CXCR1: variants seen among roughly 807,000 people sequenced by gnomAD.
CXCR1 encodes the protein C-X-C motif chemokine receptor 1, also known as C-X-C chemokine receptor type 1.
For missense variants in CXCR1, 419 were observed against 440.5 expected (o/e 0.95, Z 0.44); for synonymous variants, 180 against 184.7 (o/e 0.97, Z 0.21).
intron 1 of CXCR1, among the ~76,000 whole-genome samples, chr2:218,165,503 C>G (rs1691268364): frequency 6.6e-6 from 1 of 152,244 alleles, no homozygotes; most frequent in South Asian, 2.1e-4. Context: ...CCTAGCTCAA[C>G]CTACAACTGC....
chr2:218,166,034 C>T (rs903453679), intron 1 of CXCR1, among the ~76,000 whole-genome samples: 13 of 152,084 alleles, frequency 8.5e-5, no homozygotes, highest in African/African-American at 3.1e-4. Context: ...ATCTCCGAAC[C>T]CAGATGGCCC....
chr2:218,164,346 G>T lies in CXCR1; in HGVS notation c.866C>A (p.Ala289Asp). 6.2e-7 allele frequency: 1 copy of T among 1,612,202 alleles called. No individual in the cohort carries two copies. Among genetic ancestry groups the T allele is most frequent in the Non-Finnish European group, 8.5e-7 (1 of 1,178,490 alleles). ...ATGGAGAAATCCCAGAATCTCAGTG[G>T]CATCCAGGGCCCGGCCGATGTTGTT... ...RRNNIGRALDATEILGFLHSC... is the reference protein window; with the variant it reads ...RRNNIGRALDDTEILGFLHSC... Residue 289 changes from alanine to aspartate, a missense_variant, in exon 2 of 2, where the codon GCC (alanine) becomes GAC (aspartate). By Grantham distance (126) the Ala-to-Asp change is moderately radical. Coordinates refer to ENST00000295683, the MANE Select transcript of CXCR1 (RefSeq NM_000634.3).
chr2:218,164,027 T>A lies in CXCR1; in HGVS notation c.*132A>T. ...GCCCCTGAAGACACCAGTTCCTAACTTCCCCACATCCTATAGCGTCCCCCC... is the reference window on the plus strand; with the variant it reads ...GCCCCTGAAGACACCAGTTCCTAACATCCCCACATCCTATAGCGTCCCCCC... On this transcript the variant is annotated 3_prime_UTR_variant, in exon 2 of 2. Transcript: ENST00000295683. 3 of 1,129,556 alleles carry A rather than the reference T, an allele frequency of 2.7e-6. No individual in the cohort carries two copies. The South Asian group carries it at 3.9e-5, about 15-fold the overall frequency. The allele number at this position is 1,129,556 out of a possible 1,614,324, so 70.0% of individuals were successfully genotyped here.
At position 218,164,578 on chromosome 2, in the gene CXCR1, T is replaced by C; in HGVS notation, c.634A>G (p.Ile212Val). ...AACAGCATGACAAACAGCGGCACGATGAAGCCAAAGGTGTGAGGCAGGATC... is the reference window on the plus strand; with the variant it reads ...AACAGCATGACAAACAGCGGCACGACGAAGCCAAAGGTGTGAGGCAGGATC... ...LRILPHTFGF[I>V]VPLFVMLFCY... The change falls in exon 2 of 2, where the codon ATC becomes GTC. Residue 212 changes from isoleucine to valine, a missense_variant. Physicochemically the swap from Ile to Val is conservative, Grantham distance 29. Transcript: ENST00000295683. 6.2e-7 allele frequency: 1 copy of C among 1,614,136 alleles called. No homozygotes were observed. Among genetic ancestry groups the C allele is most frequent in the Non-Finnish European group, 8.5e-7 (1 of 1,180,012 alleles).
At position 218,164,309 on chromosome 2, in the gene CXCR1, GT is replaced by G. The variant is rs532614335; in HGVS notation, c.902del (p.Asn301ThrfsTer55). ...GGCCGATGAAGGCGTAGATGATGGG[GT>G]TGAGGCAGCTATGGAGAAATCCCAG... The part of the protein sequence containing the change: ...EILGFLHSCL[N>X]PIIYAFIGQN... On this transcript the variant is annotated frameshift_variant, in exon 2 of 2. Transcript: ENST00000295683. LOFTEE classifies it low-confidence loss of function (END_TRUNC). The G allele has an allele frequency of 1.1e-4, 171 of 1,612,172 alleles. 1 individual carries two copies. In the South Asian group the frequency reaches 1.7e-3, roughly 16 times the overall value.
chr2:218,166,250 A>G (rs1043635625), intron 1 of CXCR1, among the ~76,000 whole-genome samples: 1 of 152,126 alleles, frequency 6.6e-6, no homozygotes, highest in African/African-American at 2.4e-5. Context: ...AGCCTGACCA[A>G]AATGATGAAA....
chr2:218,164,767 T>C lies in CXCR1; in HGVS notation c.445A>G (p.Lys149Glu). ...IVHATRTLTQ[K>E]RHLVKFVCLG... ...CAAACAAACTTGACCAAGTGACGCT[T>C]CTGGGTCAGTGTGCGTGTGGCATGG... The change falls in exon 2 of 2, where the codon AAG (lysine) becomes GAG (glutamate). Residue 149 changes from lysine (K) to glutamate (E), a missense_variant. Transcript: ENST00000295683. 6 of 1,614,206 alleles carry C rather than the reference T, an allele frequency of 3.7e-6. No individual in the cohort carries two copies. The highest frequency in any genetic ancestry group is 5.1e-6 in the Non-Finnish European group (6 of 1,180,040).
Position 218,164,079 on chromosome 2 carries a change from C to G in CXCR1, c.*80G>C. 5.1e-6 allele frequency: 8 copies of G among 1,555,600 alleles called. No homozygotes were observed. The highest frequency in any genetic ancestry group is 7.0e-6 in the Non-Finnish European group (8 of 1,140,524). ...AAACCCAGATAGTGCCTGTCCAGAG[C>G]CAGATCACCTTCCACACACAACCTC... On this transcript the variant is annotated 3_prime_UTR_variant, in exon 2 of 2. Transcript: ENST00000295683.
In CXCR1 at chr2:218,164,777, T is replaced by C. The variant is rs1216963260; in HGVS notation, c.435A>G (p.Thr145=). 1 of 1,614,240 alleles carries C rather than the reference T, an allele frequency of 6.2e-7. No individual in the cohort carries two copies. Among genetic ancestry groups the C allele is most frequent in the Non-Finnish European group, 8.5e-7 (1 of 1,180,034 alleles). The change falls in exon 2 of 2, where the codon ACA becomes ACG. Residue 145 remains threonine, a synonymous_variant. Transcript: ENST00000295683. The part of the protein sequence containing the change: ...RYLAIVHATR[T]LTQKRHLVKF... ...TGACCAAGTGACGCTTCTGGGTCAG[T>C]GTGCGTGTGGCATGGACAATGGCCA... is the stretch of plus-strand genomic sequence containing the variant.
rs753898469 is a variant in CXCR1, at chr2:218,164,470, C to T, written c.742G>A (p.Val248Ile). 8.7e-6 allele frequency: 14 copies of T among 1,614,040 alleles called. No homozygotes were observed. The highest frequency in any genetic ancestry group is 6.7e-5 in the African/African-American group (5 of 74,898). The change falls in exon 2 of 2, where the codon GTC (valine) becomes ATC (isoleucine). Residue 248 changes from valine (V) to isoleucine (I), a missense_variant. Val to Ile is a conservative substitution (Grantham distance 29). Transcript: ENST00000295683. Reference sequence around the variant, plus strand: ...AGCCAGCAAAGCAGGAAGATGAGGACGACAGCAAAGATGACCCTCATGGCT... The same window carrying T: ...AGCCAGCAAAGCAGGAAGATGAGGATGACAGCAAAGATGACCCTCATGGCT... ...HRAMRVIFAV[V>I]LIFLLCWLPY...
intron 1 of CXCR1, among the ~76,000 whole-genome samples, chr2:218,165,881 C>T (rs1691275948): frequency 1.3e-5 from 2 of 152,160 alleles, no homozygotes; most frequent in African/African-American, 2.4e-5. Flanking sequence ...TGAAACCCTC[C>T]ACCCCTGAAA....
At chr2:218,165,369 C>T in intron 1 of CXCR1, 125 bp from the exon 2 acceptor site, 2 of 749,840 alleles carry the variant, frequency 2.7e-6, no homozygotes, top group Non-Finnish European at 4.5e-6. Context: ...GAGAGCTCTC[C>T]TTCCTCCTTT....
rs1228983970 is a variant in CXCR1 at position 218,164,930 on chromosome 2, G to C, written c.282C>G (p.Ile94Met). Residue 94 changes from isoleucine to methionine, a missense_variant, in exon 2 of 2, where the codon ATC becomes ATG. By Grantham distance (10) the Ile-to-Met change is conservative (BLOSUM62 1). Transcript: ENST00000295683. ...AGCCATTCACCTTGGAGGCGGCCCA[G>C]ATGGGCAAGGTCAGGGCAAAGAGTA... ...ADLLFALTLP[I>M]WAASKVNGWI... 1 of 1,614,266 alleles carries C rather than the reference G, an allele frequency of 6.2e-7. No homozygotes were observed. Among genetic ancestry groups the C allele is most frequent in the African/African-American group, 1.3e-5 (1 of 75,074 alleles).
intron 1 of CXCR1, among the ~76,000 whole-genome samples, chr2:218,166,499 T>C (rs1449261002): frequency 2.6e-5 from 4 of 152,158 alleles, no homozygotes; most frequent in Non-Finnish European, 5.9e-5. Context: ...CGTACCCCTA[T>C]AGATTTCAGT....
chr2:218,165,556 T>C (rs1691271385), intron 1 of CXCR1, among the ~76,000 whole-genome samples: 1 of 152,224 alleles, frequency 6.6e-6, no homozygotes, highest in Non-Finnish European at 1.5e-5. Flanking sequence ...TCTTTAGCCT[T>C]CTCCATCCTC....
Position 218,165,081 on chromosome 2 carries a change from A to G in CXCR1, c.131T>C (p.Ile44Thr). Residue 44 changes from isoleucine (I) to threonine (T), a missense_variant, in exon 2 of 2, where the codon ATC becomes ACC. Coordinates refer to ENST00000295683, the MANE Select transcript of CXCR1 (RefSeq NM_000634.3). ...TETLNKYVVI[I>T]AYALVFLLSL... ...CAGCAGGAACACTAGGGCATAGGCG[A>G]TGATCACAACATACTTGTTGAGTGT... 1 of 1,614,264 alleles carries G rather than the reference A, an allele frequency of 6.2e-7. No homozygotes were observed. The highest frequency in any genetic ancestry group is 8.5e-7 in the Non-Finnish European group (1 of 1,180,046).
Position 218,164,290 on chromosome 2 carries a change from TGAAGGCGTAGATGA to T in CXCR1, c.908_921del (p.Ile303AsnfsTer59). ...AATCCATGGCGAAAATTTTGGCCGA[TGAAGGCGTAGATGA>T]TGGGGTTGAGGCAGCTATGGAGAAA... On this transcript the variant is annotated frameshift_variant, in exon 2 of 2. Transcript: ENST00000295683. LOFTEE classifies it low-confidence loss of function (END_TRUNC). The T allele has an allele frequency of 6.2e-7, 1 of 1,612,338 alleles. No homozygotes were observed.
chr2:218,165,194 A>G lies in CXCR1; in HGVS notation c.18T>C (p.Asp6=), dbSNP rs1691263067. Residue 6 remains aspartate, a synonymous_variant, in exon 2 of 2, where the codon GAT becomes GAC. Transcript: ENST00000295683. The part of the protein sequence containing the change: MSNIT[D]PQMWDFDDLN... ...GATCATCAAAATCCCACATCTGTGGATCTGTAATATTTGACATGTCCTCTT... is the reference window on the plus strand; with the variant it reads ...GATCATCAAAATCCCACATCTGTGGGTCTGTAATATTTGACATGTCCTCTT... The G allele has an allele frequency of 1.2e-6, 2 of 1,614,000 alleles. No homozygotes were observed. Among genetic ancestry groups the G allele is most frequent in the Non-Finnish European group, 1.7e-6 (2 of 1,180,012 alleles).
chr2:218,165,148 G>A lies in CXCR1; in HGVS notation c.64C>T (p.Pro22Ser), dbSNP rs757076873. The A allele has an allele frequency of 1.2e-6, 2 of 1,614,224 alleles. No homozygotes were observed. Among genetic ancestry groups the A allele is most frequent in the Admixed American group, 1.7e-5 (1 of 60,028 alleles). Residue 22 changes from proline (P) to serine (S), a missense_variant, in exon 2 of 2, where the codon CCT becomes TCT. Physicochemically the swap from Pro to Ser is moderately conservative, Grantham distance 74. Transcript: ENST00000295683. Reference sequence around the variant, plus strand: ...CAGGGGCTGTAATCTTCATCTGCAGGTGGCATGCCAGTGAAATTTAGATCA... The same window carrying A: ...CAGGGGCTGTAATCTTCATCTGCAGATGGCATGCCAGTGAAATTTAGATCA... ...FDDLNFTGMP[P>S]ADEDYSPCML... is the part of the protein sequence containing the mutation.
Sources: allele counts gnomAD v4.1 joint callset (sites outside exome capture counted in the v4.1 genomes callset), GRCh38; gene constraint gnomAD v4.1.1; transcripts MANE v1.5; gene names NCBI Gene and HGNC (gene_info 2026-07-23, HGNC 2026-07-21).